The following SLC26A4 variants were observed in gnomAD, a reference collection of about 807,000 sequenced individuals.
The protein encoded by SLC26A4 is pendrin.
In SLC26A4, 93 loss-of-function variants were observed where a neutral mutation model predicts 90.4. That is an observed-to-expected ratio of 1.03 (90% confidence interval 0.87 to 1.22). The LOEUF is 1.22. SLC26A4 is among the 50% of genes most tolerant of loss of function. The pLI is 0.00. For missense variants in SLC26A4, 1,127 were observed against 946.2 expected (o/e 1.19, Z -2.51); for synonymous variants, 393 against 354.6 (o/e 1.11, Z -1.22).
intron 10 of SLC26A4, chr7:107,691,879 A>T: frequency 1.8e-5 from 23 of 1,250,984 alleles, no homozygotes; most frequent in Non-Finnish European, 2.4e-5. Context: ...AAGAGGTCAG[A>T]GCCAATTTCC....
intron 6 of SLC26A4, among the ~76,000 whole-genome samples, chr7:107,677,887 G>A (rs1301245746): frequency 6.6e-6 from 1 of 152,062 alleles, no homozygotes; most frequent in South Asian, 2.1e-4. Flanking sequence ...AAAGTTCTGG[G>A]ATTAAAGGAG....
In SLC26A4 at chr7:107,661,761, G is replaced by T; in HGVS notation, c.120G>T (p.Leu40=). The T allele has an allele frequency of 1.3e-6, 2 of 1,543,922 alleles. No homozygotes were observed. Among genetic ancestry groups the T allele is most frequent in the Non-Finnish European group, 1.7e-6 (2 of 1,148,480 alleles). Reference sequence around the variant, plus strand: ...TCCAGCAACAGCACGAGCGGCGCCTGCAGGAGCGCAAGACGCTGCGGGAGA... The same window carrying T: ...TCCAGCAACAGCACGAGCGGCGCCTTCAGGAGCGCAAGACGCTGCGGGAGA... ...LAFQQQHERR[L]QERKTLRESL... is the part of the protein sequence containing the mutation. The change falls in exon 2 of 21, where the codon CTG becomes CTT. Residue 40 remains leucine (L), a synonymous_variant. Transcript: ENST00000644269. This position sits in a 1 kb window ranked among gnomAD's most constrained non-coding sequence, Gnocchi z 5.1.
intron 3 of SLC26A4, among the ~76,000 whole-genome samples, chr7:107,668,655 C>T (rs568845370): frequency 1.8e-4 from 28 of 152,292 alleles, no homozygotes; most frequent in Non-Finnish European, 2.9e-4. Context: ...CCTTGTAGTG[C>T]TATTTTTATT....
At chr7:107,714,189 T>C (rs1198255077) in intron 20 of SLC26A4, among the ~76,000 whole-genome samples, 2 of 152,072 alleles carry the variant, frequency 1.3e-5, no homozygotes, top group Non-Finnish European at 2.9e-5. Flanking sequence ...CCCTCCCAGA[T>C]TGCTGGGATT....
intron 13 of SLC26A4, among the ~76,000 whole-genome samples, chr7:107,696,399 G>A (rs1791745530): frequency 6.6e-6 from 1 of 152,186 alleles, no homozygotes. Flanking sequence ...AAAGTACATA[G>A]TTTAGCCAAA....
intron 20 of SLC26A4, 49 bp from the exon 21 acceptor site, chr7:107,715,374 A>G (rs1245201706): frequency 1.3e-6 from 2 of 1,486,768 alleles, no homozygotes; most frequent in Non-Finnish European, 1.9e-6. Context: ...ATGCAGACTT[A>G]AGGAGAATTC....
intron 18 of SLC26A4, among the ~76,000 whole-genome samples, chr7:107,707,229 A>T (rs1413523239): frequency 6.6e-6 from 1 of 152,190 alleles, no homozygotes; most frequent in Admixed American, 6.5e-5. Flanking sequence ...AACAAATATT[A>T]AAAGAACCAG....
At chr7:107,665,761 A>C (rs1790692227) in intron 3 of SLC26A4, among the ~76,000 whole-genome samples, 1 of 152,216 alleles carries the variant, frequency 6.6e-6, no homozygotes, top group Non-Finnish European at 1.5e-5. Context: ...CCTGCTAGGT[A>C]GGTCTATTAT....
At chr7:107,695,452 T>C (rs1162164177) in intron 12 of SLC26A4, among the ~76,000 whole-genome samples, 1 of 152,206 alleles carries the variant, frequency 6.6e-6, no homozygotes, top group African/African-American at 2.4e-5. Flanking sequence ...TTGGTCTTAA[T>C]TGAGAAGCCC....
chr7:107,714,085 ATT>A (rs11335507), intron 20 of SLC26A4, among the ~76,000 whole-genome samples: 53 of 148,826 alleles, frequency 3.6e-4, no homozygotes, highest in East Asian at 7.9e-4. Flanking sequence ...CGTCCAGATA[ATT>A]TTTTTTTTTT....
intron 3 of SLC26A4, among the ~76,000 whole-genome samples, chr7:107,665,895 T>C (rs1296268440): frequency 6.6e-6 from 1 of 152,222 alleles, no homozygotes; most frequent in African/African-American, 2.4e-5. Flanking sequence ...ATGGGTAAGA[T>C]GCTTTTCTAG....
intron 20 of SLC26A4, among the ~76,000 whole-genome samples, chr7:107,714,315 T>C (rs371280646): frequency 3.7e-4 from 57 of 152,334 alleles, no homozygotes; most frequent in African/African-American, 1.4e-3. Flanking sequence ...GCCTGCCTTC[T>C]CTGCCTTTTT....
intron 8 of SLC26A4, among the ~76,000 whole-genome samples, chr7:107,687,521 T>C (rs940197140): frequency 6.6e-6 from 1 of 152,208 alleles, no homozygotes; most frequent in Non-Finnish European, 1.5e-5. Context: ...GAGAAGAATA[T>C]ATAGTCCCCA....
chr7:107,680,521 C>G (rs1299959154), intron 6 of SLC26A4, among the ~76,000 whole-genome samples: 1 of 147,156 alleles, frequency 6.8e-6, no homozygotes, highest in East Asian at 2.0e-4. Flanking sequence ...ATAATGTAAA[C>G]TGACTATTGC....
chr7:107,707,649 T>A (rs992157692), intron 18 of SLC26A4, among the ~76,000 whole-genome samples: 8 of 152,254 alleles, frequency 5.3e-5, no homozygotes, highest in Non-Finnish European at 8.8e-5. Flanking sequence ...CCTATCACAT[T>A]TCTAGGAATG....
At chr7:107,703,550 C>T (rs972720460) in intron 17 of SLC26A4, among the ~76,000 whole-genome samples, 1 of 152,210 alleles carries the variant, frequency 6.6e-6, no homozygotes, top group Non-Finnish European at 1.5e-5. Flanking sequence ...TAAGCATTGG[C>T]TGAGATCCAT....
Position 107,675,062 on chromosome 7 carries a change from C to A in SLC26A4, c.718C>A (p.Leu240Ile). 1 of 1,613,924 alleles carries A rather than the reference C, an allele frequency of 6.2e-7. No homozygotes were observed. The highest frequency in any genetic ancestry group is 1.3e-5 in the African/African-American group (1 of 74,980). ...QVLVSQLKIV[L>I]NVSTKNYNGV... ...GCTGGTCTCACAGCTAAAGATTGTCCTCAATGTTTCAACCAAAAACTACAA... is the reference window on the plus strand; with the variant it reads ...GCTGGTCTCACAGCTAAAGATTGTCATCAATGTTTCAACCAAAAACTACAA... The change falls in exon 6 of 21, where the codon CTC becomes ATC. Residue 240 changes from leucine to isoleucine, a missense_variant. By Grantham distance (5) the Leu-to-Ile change is conservative. Coordinates refer to ENST00000644269, the MANE Select transcript of SLC26A4 (RefSeq NM_000441.2).
In SLC26A4 at chr7:107,715,331, C is replaced by T. The variant is rs1399076653; in HGVS notation, c.2320-92C>T. 5.0e-6 allele frequency: 5 copies of T among 993,278 alleles called. No homozygotes were observed. The East Asian group carries it at 7.1e-5, about 14-fold the overall frequency. 61.5% of individuals were successfully genotyped at this position (993,278 alleles called of 1,614,324 possible). Reference sequence around the variant, plus strand: ...CCTAAGATGAGTAGCAGTAAGCAATCAATACTATAAAAACATATTTATAAA... The same window carrying T: ...CCTAAGATGAGTAGCAGTAAGCAATTAATACTATAAAAACATATTTATAAA... On this transcript the variant is annotated intron_variant, in intron 20 of 20. Coordinates refer to ENST00000644269, the MANE Select transcript of SLC26A4 (RefSeq NM_000441.2).
rs1057520369 is a variant in SLC26A4 at position 107,694,404 on chromosome 7, T to G, written c.1265T>G (p.Val422Gly). 2 of 1,612,840 alleles carry G rather than the reference T, an allele frequency of 1.2e-6. No individual in the cohort carries two copies. Among genetic ancestry groups the G allele is most frequent in the African/African-American group, 2.7e-5 (2 of 74,868 alleles). Reference protein sequence around the residue: ...VQESTGGKTQVAGIISAAIVM... With the variant: ...VQESTGGKTQGAGIISAAIVM... ...TCATAGGAGGTGTGTGTCTTCCAGGTTGCTGGCATCATCTCTGCTGCGATT... is the reference window on the plus strand; with the variant it reads ...TCATAGGAGGTGTGTGTCTTCCAGGGTGCTGGCATCATCTCTGCTGCGATT... The change falls in exon 11 of 21, where the codon GTT (valine) becomes GGT (glycine). Residue 422 changes from valine to glycine, a missense_variant and splice_region_variant. Physicochemically the swap from Val to Gly is moderately radical, Grantham distance 109. Coordinates refer to ENST00000644269, the MANE Select transcript of SLC26A4 (RefSeq NM_000441.2).
Sources: allele counts gnomAD v4.1 joint callset (sites outside exome capture counted in the v4.1 genomes callset), GRCh38; gene constraint gnomAD v4.1.1; non-coding constraint Gnocchi (gnomAD v3.1); transcripts MANE v1.5; gene names NCBI Gene and HGNC (gene_info 2026-07-23, HGNC 2026-07-21).